FRMD3: variants seen among roughly 807,000 people sequenced by gnomAD.
The protein encoded by FRMD3 is FERM domain containing 3, also known as FERM domain-containing protein 3.
Under a neutral mutation model 70.2 loss-of-function variants are expected in FRMD3, and 33 were observed. The observed-to-expected ratio is 0.47, with a 90% confidence interval of 0.36 to 0.63. The LOEUF is 0.63. FRMD3 is among the 20% of genes least tolerant of loss of function. The probability of loss-of-function intolerance (pLI) is 0.00; values close to 1 mark genes in which losing one functional copy is unlikely to be tolerated. For synonymous variants in FRMD3, 279 were observed against 255.9 expected (o/e 1.09, Z -0.86); for missense variants, 632 against 711.4 (o/e 0.89, Z 1.27).
chr9:83,278,976 G>A (rs1023669901), intron 13 of FRMD3, among the ~76,000 whole-genome samples: 2 of 152,182 alleles, frequency 1.3e-5, no homozygotes, highest in African/African-American at 4.8e-5. Flanking sequence ...CTGTATTTAG[G>A]GGCCAATTTG....
intron 1 of FRMD3, among the ~76,000 whole-genome samples, chr9:83,485,666 C>T (rs1001805790): frequency 1.3e-5 from 2 of 152,070 alleles, no homozygotes; most frequent in African/African-American, 4.8e-5. Flanking sequence ...TCCCATGACC[C>T]AGACATGACT....
chr9:83,319,179 C>T (rs1273321082), intron 6 of FRMD3, among the ~76,000 whole-genome samples: 3 of 151,898 alleles, frequency 2.0e-5, no homozygotes, highest in African/African-American at 7.3e-5. Context: ...TTTTGTTTTG[C>T]TGCATTTTAG....
At chr9:83,351,350 A>ACACACACACACACACG (rs1207127019) in intron 3 of FRMD3, among the ~76,000 whole-genome samples, 13 of 151,596 alleles carry the variant, frequency 8.6e-5, no homozygotes, top group Non-Finnish European at 1.6e-4. Flanking sequence ...ACACACACAC[A>ACACACACACACACACG]CACTAGAACT....
intron 10 of FRMD3, among the ~76,000 whole-genome samples, chr9:83,304,967 T>A (rs1467193758): frequency 2.6e-5 from 4 of 152,180 alleles, no homozygotes; most frequent in African/African-American, 9.7e-5. Context: ...TCAAAACAGA[T>A]CTGTGGCCCT....
At chr9:83,340,344 C>A (rs372626036) in intron 5 of FRMD3, among the ~76,000 whole-genome samples, 8 of 152,140 alleles carry the variant, frequency 5.3e-5, no homozygotes, top group Non-Finnish European at 1.2e-4. Context: ...GAATTAGATT[C>A]TATATAAGAG....
chr9:83,517,870 G>A (rs1052450615), intron 1 of FRMD3, among the ~76,000 whole-genome samples: 2 of 152,140 alleles, frequency 1.3e-5, no homozygotes, highest in African/African-American at 4.8e-5. Flanking sequence ...CACATAAACA[G>A]AACCAATGAC....
intron 1 of FRMD3, among the ~76,000 whole-genome samples, chr9:83,486,758 A>C (rs1422670077): frequency 6.6e-6 from 1 of 152,214 alleles, no homozygotes; most frequent in Non-Finnish European, 1.5e-5. Flanking sequence ...AGCCATGAAA[A>C]TGTGTAACAT....
intron 1 of FRMD3, among the ~76,000 whole-genome samples, chr9:83,422,568 C>T (rs1826676364): frequency 6.6e-6 from 1 of 152,192 alleles, no homozygotes; most frequent in East Asian, 1.9e-4. Context: ...CCTCTCATAG[C>T]AAGCTTCATT....
At chr9:83,381,002 C>T (rs1825335945) in intron 2 of FRMD3, among the ~76,000 whole-genome samples, 1 of 152,120 alleles carries the variant, frequency 6.6e-6, no homozygotes. Context: ...AACTTAGTCT[C>T]TGTGTTATCA....
the FRMD3 span, among the ~76,000 whole-genome samples, chr9:83,553,463 T>C: frequency 4.6e-5 from 7 of 152,222 alleles, no homozygotes; most frequent in Non-Finnish European, 8.8e-5. Context: ...GGGATGATCT[T>C]CTTGTGTAGA....
intron 1 of FRMD3, among the ~76,000 whole-genome samples, chr9:83,445,379 T>C (rs2021985): frequency 1.5e-3 from 233 of 150,970 alleles, no homozygotes; most frequent in African/African-American, 4.4e-3. Flanking sequence ...GATAGATAGA[T>C]AGACAGATAG....
chr9:83,272,750 G>A lies in FRMD3; in HGVS notation c.1195+17853C>T, dbSNP rs1188033579. On this transcript the variant is annotated intron_variant, in intron 13 of 13. Coordinates refer to ENST00000304195, the MANE Select transcript of FRMD3 (RefSeq NM_174938.6). ...AGGAAGTGAGGAGCGTCTCTGCCCGGCCGCCCATCATCTGAGATGTGGGGA... is the reference window on the plus strand; with the variant it reads ...AGGAAGTGAGGAGCGTCTCTGCCCGACCGCCCATCATCTGAGATGTGGGGA... 1.1e-3 allele frequency among the ~76,000 whole-genome samples: 162 copies of A among 150,876 alleles called. 1 individual carries two copies. Among genetic ancestry groups the A allele is most frequent in the African/African-American group, 3.8e-3 (155 of 40,932 alleles).
chr9:83,311,487 G>A (rs1835353380), intron 8 of FRMD3, among the ~76,000 whole-genome samples: 1 of 152,132 alleles, frequency 6.6e-6, no homozygotes, highest in Admixed American at 6.5e-5. Flanking sequence ...CAAAGGGTGA[G>A]TTTGCACCCA....
At chr9:83,416,745 G>GTCTCTCTCTCTCTCTCTCTC (rs1184226415) in intron 1 of FRMD3, among the ~76,000 whole-genome samples, 30 of 102,280 alleles carry the variant, frequency 2.9e-4, no homozygotes, top group African/African-American at 4.2e-4. Context: ...ATTTCTCTCT[G>GTCTCTCTCTCTCTCTCTCTC]TCTCTCTCTC....
chr9:83,276,427 G>A (rs1833793458), intron 13 of FRMD3: 1 of 152,112 alleles, frequency 6.6e-6, no homozygotes, highest in Admixed American at 6.6e-5. Flanking sequence ...CTTTAATTTT[G>A]TTCTCCATAT....
intron 1 of FRMD3, among the ~76,000 whole-genome samples, chr9:83,405,343 C>T (rs186242468): frequency 5.9e-5 from 9 of 152,274 alleles, no homozygotes; most frequent in Admixed American, 5.9e-4. Flanking sequence ...AGCAGAGCGC[C>T]ACCCTGGCTT....
At chr9:83,530,076 T>C (rs975182055) in intron 1 of FRMD3, among the ~76,000 whole-genome samples, 2 of 152,198 alleles carry the variant, frequency 1.3e-5, no homozygotes, top group Non-Finnish European at 2.9e-5. Context: ...AAAAACTGTT[T>C]GACAGTTATT....
At chr9:83,517,598 T>C (rs778475619) in intron 1 of FRMD3, among the ~76,000 whole-genome samples, 3 of 151,204 alleles carry the variant, frequency 2.0e-5, no homozygotes, top group Non-Finnish European at 4.4e-5. Context: ...CTAAAACTAT[T>C]ACAAGCAATA....
chr9:83,342,656 GAATA>G, intron 5 of FRMD3, among the ~76,000 whole-genome samples: 1 of 151,598 alleles, frequency 6.6e-6, no homozygotes, highest in South Asian at 2.1e-4. Context: ...ATACACACAC[GAATA>G]GATAGGATGG....
Sources: gnomAD v4.1 joint callset for allele counts (sites outside exome capture counted in the v4.1 genomes callset) on GRCh38, gnomAD v4.1.1 for gene constraint, MANE v1.5 for transcripts, NCBI Gene and HGNC (gene_info 2026-07-23, HGNC 2026-07-21) for gene names.